Variants in DRAM1 observed in about 807,000 individuals in gnomAD.
DRAM1 encodes DNA damage-regulated autophagy modulator protein 1.
Under a neutral mutation model 28.5 loss-of-function variants are expected in DRAM1, and 25 were observed. The observed-to-expected ratio is 0.88, with a 90% confidence interval of 0.64 to 1.23. DRAM1 has a LOEUF of 1.23. Ranked by LOEUF, DRAM1 falls within the 50% of genes most tolerant of loss-of-function variation. The probability of loss-of-function intolerance (pLI) is 0.00; values close to 1 mark genes in which losing one functional copy is unlikely to be tolerated. For synonymous variants in DRAM1, 113 were observed against 114.2 expected (o/e 0.99, Z 0.07); for missense variants, 249 against 299.2 (o/e 0.83, Z 1.24).
Position 101,877,701 on chromosome 12 carries a change from G to C in DRAM1, c.-89G>C. 1 of 1,083,146 alleles carries C rather than the reference G, an allele frequency of 9.2e-7. No individual in the cohort carries two copies. Among genetic ancestry groups the C allele is most frequent in the Middle Eastern group, 3.4e-4 (1 of 2,926 alleles). The allele number at this position is 1,083,146 out of a possible 1,614,324, so 67.1% of individuals were successfully genotyped here. ...CCCCTCCCACCGTCCGTGAGTGTAC[G>C]CGCCCGGCCGCCGCCTCCAGGCAGC... On this transcript the variant is annotated 5_prime_UTR_variant, in exon 1 of 7. Coordinates refer to ENST00000258534, the MANE Select transcript of DRAM1 (RefSeq NM_018370.3). This position sits in a 1 kb window ranked among gnomAD's most constrained non-coding sequence, Gnocchi z 4.1.
intron 3 of DRAM1, among the ~76,000 whole-genome samples, chr12:101,906,816 C>T (rs970031490): frequency 2.1e-5 from 3 of 145,540 alleles, no homozygotes; most frequent in African/African-American, 7.7e-5. Context: ...GATCTCATCA[C>T]TGCACTCCAG....
rs1385377879 is a variant in DRAM1, at chr12:101,922,139, A to C, written c.*879A>C. 6.6e-6 allele frequency: 1 copy of C among 152,266 alleles called. No individual in the cohort carries two copies. The highest frequency in any genetic ancestry group is 1.9e-4 in the East Asian group (1 of 5,202). 9.4% of individuals were successfully genotyped at this position (152,266 alleles called of 1,614,324 possible). A position where few individuals can be genotyped will look rare whatever the true frequency, so the allele number is the denominator to read the frequency against. On this transcript the variant is annotated 3_prime_UTR_variant, in exon 7 of 7. Coordinates refer to ENST00000258534, the MANE Select transcript of DRAM1 (RefSeq NM_018370.3). ...AGAAGAAAGGCCCAAGAGCGAGACA[A>C]GAAGAATGGAGAAGGGGGCAGCCAA...
At position 101,877,785 on chromosome 12, in the gene DRAM1, G is replaced by GCGC; in HGVS notation, c.-4_-2dup. The GCGC allele has an allele frequency of 2.7e-6, 4 of 1,496,716 alleles. No individual in the cohort carries two copies. In the South Asian group the frequency reaches 3.8e-5, roughly 14 times the overall value. The allele number at this position is 1,496,716 out of a possible 1,614,324, so 92.7% of individuals were successfully genotyped here. On this transcript the variant is annotated 5_prime_UTR_variant, in exon 1 of 7. Coordinates refer to ENST00000258534, the MANE Select transcript of DRAM1 (RefSeq NM_018370.3). The surrounding 1 kb of genome is among the most constrained non-coding windows in gnomAD (Gnocchi z 4.1). ...CAGCACTCCGTCGGCGGCGGCGGCG[G>GCGC]CGCGATGCTGTGCTTCCTGAGGGGA...
Position 101,879,990 on chromosome 12 carries a change from AG to A in DRAM1, c.131+2071del, listed in dbSNP as rs1241981323. On this transcript the variant is annotated intron_variant, in intron 1 of 6. Coordinates refer to ENST00000258534, the MANE Select transcript of DRAM1 (RefSeq NM_018370.3). Reference sequence around the variant, plus strand: ...TGGTGACAGAGCGAGACTCCATCTCAGAAAAAAAAAAAAAAGGTAAAGAGCT... The same window carrying A: ...TGGTGACAGAGCGAGACTCCATCTCAAAAAAAAAAAAAAAGGTAAAGAGCT... Among the ~76,000 whole-genome samples, 29 of 149,274 alleles carry A rather than the reference AG, an allele frequency of 1.9e-4. 1 individual carries two copies. Among genetic ancestry groups the A allele is most frequent in the South Asian group, 4.2e-4 (2 of 4,718 alleles).
intron 1 of DRAM1, among the ~76,000 whole-genome samples, chr12:101,883,646 A>G (rs1872770725): frequency 6.6e-6 from 1 of 150,736 alleles, no homozygotes; most frequent in African/African-American, 2.4e-5. Flanking sequence ...TAAATTAAAA[A>G]CATGAGGCCG....
At chr12:101,884,933 G>GTT (rs779895150) in intron 1 of DRAM1, among the ~76,000 whole-genome samples, 40 of 134,402 alleles carry the variant, frequency 3.0e-4, no homozygotes, top group East Asian at 8.4e-4. Flanking sequence ...TAGAGAAAAT[G>GTT]TTTTTTTTTT....
chr12:101,877,847 T>A lies in DRAM1; in HGVS notation c.58T>A (p.Ser20Thr). 1 of 1,547,476 alleles carries A rather than the reference T, an allele frequency of 6.5e-7. No homozygotes were observed. The highest frequency in any genetic ancestry group is 8.7e-7 in the Non-Finnish European group (1 of 1,144,888). ...FVPFLLVTWSSAAFIISYVVA... is the reference protein window; with the variant it reads ...FVPFLLVTWSTAAFIISYVVA... ...CCCCTTCCTCTTGGTGACCTGGTCG[T>A]CAGCCGCCTTCATTATCTCCTACGT... The change falls in exon 1 of 7, where the codon TCA becomes ACA. Residue 20 changes from serine (S) to threonine (T), a missense_variant. Around this residue, in one of 3 missense-constraint regions of DRAM1, gnomAD observed 218 missense variants for 243.1 expected, o/e 0.90. Coordinates refer to ENST00000258534, the MANE Select transcript of DRAM1 (RefSeq NM_018370.3). This position sits in a 1 kb window ranked among gnomAD's most constrained non-coding sequence, Gnocchi z 4.1.
chr12:101,909,152 T>C (rs1353985513), intron 4 of DRAM1, among the ~76,000 whole-genome samples: 1 of 151,686 alleles, frequency 6.6e-6, no homozygotes, highest in Non-Finnish European at 1.5e-5. Flanking sequence ...TCCCAGCTAC[T>C]TGGGAGGCTG....
intron 3 of DRAM1, among the ~76,000 whole-genome samples, chr12:101,906,119 T>C (rs1309701702): frequency 6.6e-6 from 1 of 152,214 alleles, no homozygotes; most frequent in East Asian, 1.9e-4. Context: ...ACAGAAACTA[T>C]ATGATGTATT....
At chr12:101,908,475 G>A in intron 4 of DRAM1, 112 bp downstream of exon 4, 1 of 1,130,168 alleles carries the variant, frequency 8.8e-7, no homozygotes, top group Non-Finnish European at 1.3e-6. Flanking sequence ...TCTGACAGCA[G>A]GGCGGAGAGA....
chr12:101,880,223 T>G (rs1872645757), intron 1 of DRAM1, among the ~76,000 whole-genome samples: 1 of 151,692 alleles, frequency 6.6e-6, no homozygotes, highest in Non-Finnish European at 1.5e-5. Flanking sequence ...CAGCTAATTT[T>G]TAATTTTTTT....
chr12:101,908,364 G>A lies in DRAM1; in HGVS notation c.520+1G>A. ...GTTTCTTGCGCAGCTGTCATCCCCA[G>A]TATCCTTTTTCACATTTGTGCCTTG... On this transcript the variant is annotated splice_donor_variant, in intron 4 of 6. Coordinates refer to ENST00000258534, the MANE Select transcript of DRAM1 (RefSeq NM_018370.3). LOFTEE classifies it high-confidence loss of function. The A allele has an allele frequency of 6.2e-7, 1 of 1,603,392 alleles. No individual in the cohort carries two copies. The highest frequency in any genetic ancestry group is 8.5e-7 in the Non-Finnish European group (1 of 1,176,430).
At chr12:101,901,858 G>T (rs926358019) in intron 3 of DRAM1, among the ~76,000 whole-genome samples, 3 of 128,852 alleles carry the variant, frequency 2.3e-5, no homozygotes, top group African/African-American at 9.8e-5. Context: ...GACAGAGCGA[G>T]ACTCTATCTC....
intron 5 of DRAM1, among the ~76,000 whole-genome samples, chr12:101,919,326 C>G (rs11111082): frequency 0.18 from 27,387 of 151,726 alleles, 2,733 homozygotes; most frequent in African/African-American, 0.26. Flanking sequence ...TTTTAAACCC[C>G]TTTGAAAGCA....
intron 1 of DRAM1, chr12:101,890,052 ATTTTTTCTTTTTC>A (rs1488286829): frequency 2.9e-5 from 13 of 453,288 alleles, no homozygotes; most frequent in East Asian, 7.0e-5. Flanking sequence ...TTCATTTCTA[ATTTTTTCTTTTTC>A]TTTTTTCTTT....
chr12:101,906,406 C>T (rs1241329290), intron 3 of DRAM1, among the ~76,000 whole-genome samples: 1 of 152,146 alleles, frequency 6.6e-6, no homozygotes, highest in African/African-American at 2.4e-5. Flanking sequence ...TCACCGTGAG[C>T]TGAGGCCAAG....
chr12:101,917,293 G>C (rs1435138605), intron 5 of DRAM1, among the ~76,000 whole-genome samples: 3 of 152,200 alleles, frequency 2.0e-5, no homozygotes, highest in Non-Finnish European at 4.4e-5. Context: ...GAGACAGCAG[G>C]ATTTCCCAAT....
chr12:101,878,431 G>C (rs79631723), intron 1 of DRAM1, among the ~76,000 whole-genome samples: 2,524 of 152,244 alleles, frequency 0.017, 63 homozygotes, highest in African/African-American at 0.058. Context: ...TTAATGGTAG[G>C]AGCAGAATTC....
intron 5 of DRAM1, among the ~76,000 whole-genome samples, chr12:101,919,817 C>G (rs1874407972): frequency 6.6e-6 from 1 of 152,198 alleles, no homozygotes; most frequent in Admixed American, 6.5e-5. Flanking sequence ...AATTTGCTTC[C>G]CAGTCTCAGC....
Sources: gnomAD v4.1 joint callset for allele counts (sites outside exome capture counted in the v4.1 genomes callset) on GRCh38, gnomAD v4.1.1 for gene constraint, gnomAD v4.1.1 regional missense constraint, Gnocchi (gnomAD v3.1) non-coding constraint, MANE v1.5 for transcripts, NCBI Gene and HGNC (gene_info 2026-07-23, HGNC 2026-07-21) for gene names.